Variants in LPP observed in about 807,000 individuals in gnomAD.
LPP encodes the protein lipoma-preferred partner.
LPP carries 38 observed loss-of-function variants against 60.4 expected under a neutral mutation model. The ratio of observed to expected loss-of-function variants is 0.63; its 90% CI spans 0.49 to 0.83. The LOEUF (loss-of-function observed/expected upper bound fraction) is 0.83, where lower values mean the gene tolerates loss of function less well. Ranked by LOEUF, LPP falls within the 40% of genes least tolerant of loss-of-function variation. The probability of loss-of-function intolerance (pLI) is 0.00; values close to 1 mark genes in which losing one functional copy is unlikely to be tolerated. For synonymous variants in LPP, 328 were observed against 290.8 expected, an observed-to-expected ratio of 1.13 and a Z score of -1.30; for missense variants, 902 against 783.6, an observed-to-expected ratio of 1.15 and a Z score of -1.80.
intron 9 of LPP, among the ~76,000 whole-genome samples, chr3:188,771,286 C>A (rs150710474): frequency 3.9e-5 from 6 of 152,018 alleles, no homozygotes; most frequent in African/African-American, 1.4e-4. Flanking sequence ...CAGTAGCTCA[C>A]GCCTGTAATC....
intron 6 of LPP, among the ~76,000 whole-genome samples, chr3:188,599,751 G>GGTGTGTGTATGT (rs1553938533): frequency 2.1e-5 from 3 of 139,828 alleles, no homozygotes; most frequent in African/African-American, 8.1e-5. Flanking sequence ...ACTCGTTAGG[G>GGTGTGTGTATGT]GTGTGTGTGT....
chr3:188,615,936 T>C (rs1272588968), intron 7 of LPP, among the ~76,000 whole-genome samples: 1 of 152,210 alleles, frequency 6.6e-6, no homozygotes. Context: ...TGAGGTTGTT[T>C]GTTTTTCTCT....
chr3:188,438,616 T>C (rs577976874), intron 4 of LPP, among the ~76,000 whole-genome samples: 1 of 152,270 alleles, frequency 6.6e-6, no homozygotes, highest in East Asian at 1.9e-4. Context: ...GAGGCAGGCA[T>C]GGCATACCTG....
intron 9 of LPP, among the ~76,000 whole-genome samples, chr3:188,771,217 G>T (rs1735843493): frequency 6.6e-6 from 1 of 151,680 alleles, no homozygotes; most frequent in Non-Finnish European, 1.5e-5. Flanking sequence ...TTCATAAAAG[G>T]AATGAATTCA....
intron 2 of LPP, among the ~76,000 whole-genome samples, chr3:188,291,226 G>C (rs193123109): frequency 6.6e-6 from 1 of 152,166 alleles, no homozygotes; most frequent in African/African-American, 2.4e-5. Context: ...GTATGTGTGC[G>C]TGTGTGTTTG....
chr3:188,550,455 G>A (rs1241042130), intron 6 of LPP, among the ~76,000 whole-genome samples: 1 of 151,682 alleles, frequency 6.6e-6, no homozygotes, highest in African/African-American at 2.4e-5. Flanking sequence ...GCATGTACCT[G>A]TAGTCACAGC....
At chr3:188,411,969 C>G (rs1455036177) in intron 4 of LPP, among the ~76,000 whole-genome samples, 1 of 29,124 alleles carries the variant, frequency 3.4e-5, no homozygotes, top group Admixed American at 5.4e-4. Context: ...CTCTCTCTTT[C>G]TCTGTCTCTC....
intron 8 of LPP, chr3:188,758,610 T>C (rs1001661337): frequency 3.9e-5 from 6 of 152,230 alleles, no homozygotes; most frequent in African/African-American, 7.2e-5. Context: ...TACCTTTTTT[T>C]CTCTCACGTT....
rs571999742 is a variant in LPP at position 188,830,377 on chromosome 3, G to A, written c.1411-35823G>A. ...CCCAGCCCTTTGGGAGGCTGAGGCG[G>A]GCAGATCACGAGGTCAGGAGATCAA... On this transcript the variant is annotated intron_variant, in intron 9 of 11. Transcript: ENST00000617246. 3.3e-4 allele frequency among the ~76,000 whole-genome samples: 50 copies of A among 151,466 alleles called. No individual in the cohort carries two copies. In the East Asian group the frequency reaches 8.9e-3, roughly 27 times the overall value.
At position 188,603,518 on chromosome 3, in the gene LPP, A is replaced by G. The variant is rs993097947; in HGVS notation, c.430-5643A>G. Among the ~76,000 whole-genome samples the G allele has an allele frequency of 3.9e-5, 6 of 152,254 alleles. No individual in the cohort carries two copies. The East Asian group carries it at 1.2e-3, about 29-fold the overall frequency. The stretch of plus-strand genomic sequence containing the variant: ...TGGGCAGTTACTTAATCTCTCGTCA[A>G]TATCTTCTTCTGGAAAATGAGGATT... On this transcript the variant is annotated intron_variant, in intron 6 of 11. Coordinates refer to ENST00000617246, the MANE Select transcript of LPP (RefSeq NM_001375462.1).
chr3:188,711,291 A>G (rs1222614681), intron 8 of LPP: 1 of 152,208 alleles, frequency 6.6e-6, no homozygotes, highest in East Asian at 1.9e-4. Context: ...ACATTATAGG[A>G]ATTAACTCAT....
At position 188,466,830 on chromosome 3, in the gene LPP, T is replaced by TAG. The variant is rs1315607197; in HGVS notation, c.194-17761_194-17760insGA. ...ACATATATATATATATATATATATA[T>TAG]ATATATATATATGCTGTGTAAACTC... On this transcript the variant is annotated intron_variant, in intron 4 of 11. Coordinates refer to ENST00000617246, the MANE Select transcript of LPP (RefSeq NM_001375462.1). Among the ~76,000 whole-genome samples, 102 of 129,206 alleles carry TAG rather than the reference T, an allele frequency of 7.9e-4. 2 individuals carry two copies. In the South Asian group the frequency reaches 8.4e-3, roughly 11 times the overall value. The allele number at this position is 129,206 out of a possible 152,430, so 84.8% of individuals were successfully genotyped here.
intron 9 of LPP, among the ~76,000 whole-genome samples, chr3:188,803,648 T>C (rs1204601305): frequency 6.6e-6 from 1 of 152,216 alleles, no homozygotes; most frequent in Non-Finnish European, 1.5e-5. Flanking sequence ...CTGGATTCTC[T>C]ATTCTGTTCC....
intron 3 of LPP, among the ~76,000 whole-genome samples, chr3:188,346,249 A>ATTTT (rs1764321005): frequency 8.0e-6 from 1 of 124,226 alleles, no homozygotes; most frequent in African/African-American, 3.6e-5. Flanking sequence ...AAAGTAGCAA[A>ATTTT]TCTTTTTTTT....
At chr3:188,430,441 G>A (rs1445634762) in intron 4 of LPP, among the ~76,000 whole-genome samples, 1 of 152,042 alleles carries the variant, frequency 6.6e-6, no homozygotes, top group Non-Finnish European at 1.5e-5. Flanking sequence ...GAGCATTACA[G>A]TTACACACCA....
chr3:188,873,285 T>C (rs1433523978), intron 11 of LPP, among the ~76,000 whole-genome samples: 2 of 152,202 alleles, frequency 1.3e-5, no homozygotes, highest in African/African-American at 4.8e-5. Context: ...GTGTTCTGGA[T>C]ACCCCGTTAA....
intron 8 of LPP, among the ~76,000 whole-genome samples, chr3:188,739,290 C>A (rs116330499): frequency 2.2e-3 from 329 of 151,994 alleles, no homozygotes; most frequent in Non-Finnish European, 3.5e-3. Context: ...AAGGGAGTGA[C>A]CAAGAGAAGA....
At chr3:188,576,153 C>T (rs1515425) in intron 6 of LPP, among the ~76,000 whole-genome samples, 139,771 of 152,200 alleles carry the variant, frequency 0.92, 65,330 homozygotes, top group East Asian at 1. Flanking sequence ...CAGGAAAGGT[C>T]GTAGCCCTTT....
intron 9 of LPP, among the ~76,000 whole-genome samples, chr3:188,864,797 G>T (rs1766179915): frequency 6.6e-6 from 1 of 152,222 alleles, no homozygotes; most frequent in South Asian, 2.1e-4. Flanking sequence ...TTTTTACATT[G>T]TGAAGCCATT....
Sources: gnomAD v4.1 joint callset for allele counts (sites outside exome capture counted in the v4.1 genomes callset) on GRCh38, gnomAD v4.1.1 for gene constraint, MANE v1.5 for transcripts, NCBI Gene and HGNC (gene_info 2026-07-23, HGNC 2026-07-21) for gene names.